Variants in GAREM1 observed in about 807,000 individuals in gnomAD.
GAREM1 encodes GRB2 associated regulator of MAPK1 subtype 1, also known as GRB2-associated and regulator of MAPK protein 1.
In GAREM1, 26 loss-of-function variants were observed where a neutral mutation model predicts 71.3. The observed-to-expected ratio is 0.36, with a 90% CI of 0.27 to 0.51. GAREM1 has a LOEUF of 0.51. GAREM1 is among the 20% of genes least tolerant of loss of function. The pLI is 0.95. For missense variants in GAREM1, 1,026 were observed against 1,103.1 expected (o/e 0.93, Z 0.99); for synonymous variants, 440 against 433.2 (o/e 1.02, Z -0.20).
At chr18:32,363,000 T>C (rs1224971720) in intron 2 of GAREM1, among the ~76,000 whole-genome samples, 3 of 152,230 alleles carry the variant, frequency 2.0e-5, no homozygotes, top group Non-Finnish European at 4.4e-5. Flanking sequence ...AATTCATTCA[T>C]CAAGTTTGCT....
At chr18:32,327,308 A>G (rs543146027) in intron 2 of GAREM1, among the ~76,000 whole-genome samples, 23 of 152,260 alleles carry the variant, frequency 1.5e-4, no homozygotes, top group Non-Finnish European at 2.4e-4. Context: ...ATAACAAATA[A>G]GAAACATAGT....
chr18:32,419,118 C>A (rs1196637180), intron 1 of GAREM1, among the ~76,000 whole-genome samples: 1 of 152,156 alleles, frequency 6.6e-6, no homozygotes, highest in African/African-American at 2.4e-5. Flanking sequence ...GCTCTTGATT[C>A]CTATTCTCAG....
intron 4 of GAREM1, among the ~76,000 whole-genome samples, chr18:32,285,605 A>T (rs2047006320): frequency 6.6e-6 from 1 of 152,232 alleles, no homozygotes; most frequent in Admixed American, 6.5e-5. Context: ...TTAAAATGTC[A>T]TAATCTCCAT....
intron 1 of GAREM1, among the ~76,000 whole-genome samples, chr18:32,402,540 T>A (rs11877846): frequency 0.062 from 9,357 of 152,114 alleles, 414 homozygotes; most frequent in East Asian, 0.13. Flanking sequence ...ACTTTTCTGA[T>A]CCCTCCTTGC....
chr18:32,318,305 C>T (rs1298049774), intron 2 of GAREM1, among the ~76,000 whole-genome samples: 2 of 151,948 alleles, frequency 1.3e-5, no homozygotes, highest in Non-Finnish European at 2.9e-5. Context: ...TTGTGTGTGC[C>T]CCTCAAGATA....
intron 1 of GAREM1, among the ~76,000 whole-genome samples, chr18:32,416,628 C>G (rs2048469233): frequency 1.3e-5 from 2 of 152,070 alleles, no homozygotes; most frequent in Admixed American, 6.6e-5. Context: ...GGGGGAAACA[C>G]AGTCTCTTCA....
chr18:32,312,655 G>A (rs1398081354), intron 2 of GAREM1, among the ~76,000 whole-genome samples: 5 of 152,206 alleles, frequency 3.3e-5, no homozygotes, highest in Admixed American at 1.3e-4. Context: ...GAAGTGAGAT[G>A]TAGGAAATGT....
At chr18:32,337,422 C>T (rs548679807) in intron 2 of GAREM1, among the ~76,000 whole-genome samples, 2 of 152,284 alleles carry the variant, frequency 1.3e-5, no homozygotes, top group South Asian at 2.1e-4. Context: ...CATTTTAGGA[C>T]ACTACGATTT....
In GAREM1 at chr18:32,470,551, C is replaced by T; in HGVS notation, c.-123G>A. On this transcript the variant is annotated 5_prime_UTR_variant, in exon 1 of 6. Transcript: ENST00000269209. The surrounding 1 kb of genome is among the most constrained non-coding windows in gnomAD (Gnocchi z 4.4). ...CGCGGGAGGCGCCGGGCAGCTCCGG[C>T]CGCGGGCAGCCGGGGGGGCGCGGCG... 1 of 658,222 alleles carries T rather than the reference C, an allele frequency of 1.5e-6. No homozygotes were observed. The highest frequency in any genetic ancestry group is 1.9e-6 in the Non-Finnish European group (1 of 533,678). 40.8% of individuals were successfully genotyped at this position (658,222 alleles called of 1,614,324 possible).
chr18:32,392,934 C>T lies in GAREM1; in HGVS notation c.223G>A (p.Val75Ile), dbSNP rs756593676. The T allele has an allele frequency of 5.0e-6, 8 of 1,613,920 alleles. No individual in the cohort carries two copies. Among genetic ancestry groups the T allele is most frequent in the Non-Finnish European group, 6.8e-6 (8 of 1,179,892 alleles). Residue 75 changes from valine to isoleucine, a missense_variant, in exon 2 of 6, where the codon GTC becomes ATC. Val to Ile is a conservative substitution (Grantham distance 29, BLOSUM62 3). This residue lies in a region of GAREM1 where 172 missense variants were observed against 175.2 expected (regional missense o/e 0.98). Transcript: ENST00000269209. ...GGAATCTCTATCTTTGGCCCAATGACATAGTGACCCTCCTCCAAGCTGTGG... is the reference window on the plus strand; with the variant it reads ...GGAATCTCTATCTTTGGCCCAATGATATAGTGACCCTCCTCCAAGCTGTGG... The part of the protein sequence containing the change: ...TAHSLEEGHY[V>I]IGPKIEIPVH...
intron 4 of GAREM1, among the ~76,000 whole-genome samples, chr18:32,286,321 AGTGTGTGT>A (rs140225815): frequency 1.6e-3 from 230 of 143,222 alleles, no homozygotes; most frequent in African/African-American, 5.2e-3. Context: ...CTGGTTCTGG[AGTGTGTGT>A]GTGTGTGTGT....
At chr18:32,353,024 C>T (rs1456910163) in intron 2 of GAREM1, among the ~76,000 whole-genome samples, 3 of 152,202 alleles carry the variant, frequency 2.0e-5, no homozygotes, top group African/African-American at 7.2e-5. Context: ...TACAAATTTC[C>T]ATACCCTGAT....
At chr18:32,301,400 A>G (rs1489346685) in intron 3 of GAREM1, among the ~76,000 whole-genome samples, 1 of 152,228 alleles carries the variant, frequency 6.6e-6, no homozygotes, top group Non-Finnish European at 1.5e-5. Flanking sequence ...AGTGTGAACA[A>G]ATGTGAACAT....
intron 1 of GAREM1, among the ~76,000 whole-genome samples, chr18:32,451,048 G>T (rs568515104): frequency 2.0e-5 from 3 of 152,132 alleles, no homozygotes; most frequent in African/African-American, 4.8e-5. Flanking sequence ...ACTTAGAGGG[G>T]CTGAGGTGGC....
chr18:32,419,468 C>A (rs1345648019), intron 1 of GAREM1, among the ~76,000 whole-genome samples: 1 of 151,854 alleles, frequency 6.6e-6, no homozygotes, highest in Non-Finnish European at 1.5e-5. Flanking sequence ...CTCTTCCTGC[C>A]ACGTGAGGAT....
rs2047286098 is a variant in GAREM1, at chr18:32,308,945, A to G, written c.393+1248T>C. Among the ~76,000 whole-genome samples, 3 of 150,070 alleles carry G rather than the reference A, an allele frequency of 2.0e-5. 1 individual carries two copies. Among genetic ancestry groups the G allele is most frequent in the Non-Finnish European group, 3.0e-5 (2 of 67,496 alleles). ...CCTAGGCATCTCCTCCCTTTCCTGA[A>G]GAGTGTGGGTGGAATGACTCATCCA... On this transcript the variant is annotated intron_variant, in intron 3 of 5. Transcript: ENST00000269209.
At chr18:32,467,293 T>C (rs1281331924) in intron 1 of GAREM1, among the ~76,000 whole-genome samples, 3 of 152,216 alleles carry the variant, frequency 2.0e-5, no homozygotes, top group East Asian at 1.9e-4. Context: ...TTTTAAAATA[T>C]TGACTTTCCA....
At chr18:32,374,088 A>G (rs2048011356) in intron 2 of GAREM1, among the ~76,000 whole-genome samples, 1 of 152,210 alleles carries the variant, frequency 6.6e-6, no homozygotes, top group African/African-American at 2.4e-5. Flanking sequence ...CTTCCACCAA[A>G]GACCATGAAC....
At chr18:32,338,043 C>T (rs1386449437) in intron 2 of GAREM1, among the ~76,000 whole-genome samples, 1 of 152,102 alleles carries the variant, frequency 6.6e-6, no homozygotes, top group Non-Finnish European at 1.5e-5. Context: ...GAGGAGGTGA[C>T]CTGAGTGAGT....
Sources: gnomAD v4.1 joint callset for allele counts (sites outside exome capture counted in the v4.1 genomes callset) on GRCh38, gnomAD v4.1.1 for gene constraint, gnomAD v4.1.1 regional missense constraint, Gnocchi (gnomAD v3.1) non-coding constraint, MANE v1.5 for transcripts, NCBI Gene and HGNC (gene_info 2026-07-23, HGNC 2026-07-21) for gene names.